DRC9: variants seen among roughly 807,000 people sequenced by gnomAD.
The protein encoded by DRC9 is dynein regulatory complex protein 9.
chr3:197,927,594 A>C, the DRC9 span, among the ~76,000 whole-genome samples: 1 of 152,234 alleles, frequency 6.6e-6, no homozygotes, highest in African/African-American at 2.4e-5. Flanking sequence ...AACAAACTAT[A>C]GATTATGTAC....
chr3:197,945,994 T>A, the DRC9 span, among the ~76,000 whole-genome samples: 1 of 152,254 alleles, frequency 6.6e-6, no homozygotes, highest in African/African-American at 2.4e-5. Flanking sequence ...CACCGATTTT[T>A]AATTGGTAAT....
At chr3:197,905,762 C>T in the DRC9 span, among the ~76,000 whole-genome samples, 1 of 151,818 alleles carries the variant, frequency 6.6e-6, no homozygotes, top group African/African-American at 2.4e-5. Context: ...AGGAATAACA[C>T]ATTATGATCG....
the DRC9 span, among the ~76,000 whole-genome samples, chr3:197,947,042 C>G: frequency 6.6e-6 from 1 of 152,288 alleles, no homozygotes; most frequent in South Asian, 2.1e-4. Context: ...AACTCTTGAC[C>G]TCAGGTGATC....
the DRC9 span, chr3:197,960,162 C>T: frequency 7.6e-6 from 11 of 1,440,766 alleles, no homozygotes; most frequent in East Asian, 2.3e-5. Flanking sequence ...GCTGGGCCCT[C>T]CGTCTACCCC....
At chr3:197,938,848 G>C in the DRC9 span, 3 of 1,122,758 alleles carry the variant, frequency 2.7e-6, no homozygotes, top group Non-Finnish European at 4.0e-6. Context: ...AGAGGCCTTT[G>C]TGTACATTTT....
chr3:197,909,035 G>T, the DRC9 span, among the ~76,000 whole-genome samples: 3 of 152,220 alleles, frequency 2.0e-5, no homozygotes, highest in Admixed American at 1.3e-4. Context: ...GGGTACTTCC[G>T]CTGCCAAGGG....
the DRC9 span, chr3:197,950,873 G>A: frequency 6.6e-7 from 1 of 1,515,126 alleles, no homozygotes; most frequent in Non-Finnish European, 9.2e-7. Flanking sequence ...GCTTAAACGA[G>A]AGGGGACGAG....
the DRC9 span, among the ~76,000 whole-genome samples, chr3:197,894,024 G>A: frequency 6.6e-6 from 1 of 152,080 alleles, no homozygotes; most frequent in Non-Finnish European, 1.5e-5. Flanking sequence ...AGAAATGGAA[G>A]AGAACCAGTA....
the DRC9 span, chr3:197,932,324 C>G: frequency 2.5e-6 from 4 of 1,596,016 alleles, no homozygotes; most frequent in Non-Finnish European, 3.4e-6. Context: ...AACAGACCAA[C>G]AAAAAATGAG....
the DRC9 span, among the ~76,000 whole-genome samples, chr3:197,948,574 C>G: frequency 1.3e-5 from 2 of 152,206 alleles, no homozygotes; most frequent in African/African-American, 4.8e-5. Context: ...ATGTGTTATT[C>G]CTCCCAGGAG....
the DRC9 span, among the ~76,000 whole-genome samples, chr3:197,942,465 T>C: frequency 6.6e-6 from 1 of 150,512 alleles, no homozygotes; most frequent in Non-Finnish European, 1.5e-5. Context: ...TTTGAAATTT[T>C]AATGGAAAAT....
chr3:197,955,793 A>G, the DRC9 span: 2 of 1,585,084 alleles, frequency 1.3e-6, no homozygotes, highest in Non-Finnish European at 1.7e-6. Flanking sequence ...AAATCAATAA[A>G]TAAATGTGGA....
chr3:197,951,134 ATGT>A, the DRC9 span: 3 of 1,613,902 alleles, frequency 1.9e-6, no homozygotes, highest in Non-Finnish European at 2.5e-6. Flanking sequence ...CTTATGTTTC[ATGT>A]TGTGTATCTT....
chr3:197,929,227 CAG>C, the DRC9 span, among the ~76,000 whole-genome samples: 1 of 152,220 alleles, frequency 6.6e-6, no homozygotes, highest in African/African-American at 2.4e-5. The surrounding 1 kb of genome is among the most constrained non-coding windows in gnomAD (Gnocchi z 4.6). Context: ...CATGGGTAGT[CAG>C]AGAATAACCA....
At chr3:197,903,989 C>T in the DRC9 span, among the ~76,000 whole-genome samples, 1 of 143,386 alleles carries the variant, frequency 7.0e-6, no homozygotes, top group South Asian at 2.1e-4. Flanking sequence ...CATACACACA[C>T]ACATATATAT....
chr3:197,891,130 AAAG>A, the DRC9 span, among the ~76,000 whole-genome samples: 3 of 152,244 alleles, frequency 2.0e-5, no homozygotes, highest in Non-Finnish European at 4.4e-5. Flanking sequence ...AGGATATTAA[AAAG>A]AATCATTCTG....
chr3:197,955,062 A>G, the DRC9 span, among the ~76,000 whole-genome samples: 1 of 152,020 alleles, frequency 6.6e-6, no homozygotes, highest in Non-Finnish European at 1.5e-5. Flanking sequence ...TTTTTCTCAA[A>G]TAGTTCGTAC....
chr3:197,889,827 T>G, the DRC9 span: 1 of 1,276,696 alleles, frequency 7.8e-7, no homozygotes, highest in Non-Finnish European at 1.1e-6. Context: ...ACAGTCTCTC[T>G]CCAGGACATG....
chr3:197,943,895 T>G, the DRC9 span: 1 of 1,614,064 alleles, frequency 6.2e-7, no homozygotes, highest in Non-Finnish European at 8.5e-7. Flanking sequence ...GAAGGGACAG[T>G]GGCTCTAGAG....
Sources: gnomAD v4.1 joint callset for allele counts (sites outside exome capture counted in the v4.1 genomes callset) on GRCh38, gnomAD v4.1.1 for gene constraint, Gnocchi (gnomAD v3.1) non-coding constraint, MANE v1.5 for transcripts, NCBI Gene and HGNC (gene_info 2026-07-23, HGNC 2026-07-21) for gene names.